Variants in MCTS1 observed in about 807,000 individuals in gnomAD.
MCTS1 encodes malignant T-cell-amplified sequence 1.
For synonymous variants in MCTS1, 26 were observed against 40.8 expected (o/e 0.64, Z 1.38); for missense variants, 55 against 128.6 (o/e 0.43, Z 2.77).
chrX:120,616,753 A>G lies in MCTS1; in HGVS notation c.*4489A>G, dbSNP rs1000502669. 2.7e-5 allele frequency among the ~76,000 whole-genome samples: 3 copies of G among 112,429 alleles called. No individual in the cohort carries two copies. The highest frequency in any genetic ancestry group is 9.7e-5 in the African/African-American group (3 of 31,008). ...TTGCCTCTTAGAATGAAAATTAAAG[A>G]ACTCCAAATTTTAGCCTTGAATACT... On this transcript the variant is annotated 3_prime_UTR_variant, in exon 6 of 6. Transcript: ENST00000371317.
At position 120,611,686 on chromosome X, in the gene MCTS1, T is replaced by C. The variant is rs1167683590; in HGVS notation, c.465-497T>C. 2.7e-5 allele frequency among the ~76,000 whole-genome samples: 3 copies of C among 112,150 alleles called. No individual in the cohort carries two copies. In the South Asian group the frequency reaches 1.1e-3, roughly 41 times the overall value. ...CCACCCACCTCGGCCTCCCAAAGTG[T>C]TGGGATTACAGGTGTGAGCCACTGC... On this transcript the variant is annotated intron_variant, in intron 5 of 5. Transcript: ENST00000371317.
chrX:120,610,138 A>G (rs1310094495), intron 4 of MCTS1, among the ~76,000 whole-genome samples: 2 of 111,147 alleles, frequency 1.8e-5, no homozygotes, highest in Non-Finnish European at 3.8e-5. Flanking sequence ...CCTGGCCAAC[A>G]TGACGAAACC....
intron 3 of MCTS1, among the ~76,000 whole-genome samples, chrX:120,606,528 A>G (rs893024961): frequency 8.9e-6 from 1 of 112,707 alleles, no homozygotes; most frequent in Non-Finnish European, 1.9e-5. Flanking sequence ...TCACGCCTGT[A>G]ATCCCAGCAC....
Position 120,619,268 on chromosome X carries a change from A to G in MCTS1, c.*7004A>G, listed in dbSNP as rs1442660810. Among the ~76,000 whole-genome samples the G allele has an allele frequency of 3.6e-5, 4 of 111,399 alleles. No homozygotes were observed. The highest frequency in any genetic ancestry group is 1.3e-4 in the African/African-American group (4 of 30,692). ...ATTCACATCAATATTTTAACATTTT[A>G]CCATCAAGATATTTAATACAAAGGA... On this transcript the variant is annotated 3_prime_UTR_variant, in exon 6 of 6. Coordinates refer to ENST00000371317, the MANE Select transcript of MCTS1 (RefSeq NM_014060.3).
At chrX:120,607,163 T>C (rs1265018439) in intron 3 of MCTS1, among the ~76,000 whole-genome samples, 1 of 111,071 alleles carries the variant, frequency 9.0e-6, no homozygotes, top group East Asian at 2.8e-4. Flanking sequence ...AGCTGTACAT[T>C]GTCTGCTGTT....
chrX:120,620,486 T>C lies in MCTS1; in HGVS notation c.*8222T>C, dbSNP rs758089551. On this transcript the variant is annotated 3_prime_UTR_variant, in exon 6 of 6. Transcript: ENST00000371317. ...CAAAAAAAAAAAAAAAAAAAAAAATTAGCCGGGCGTGGTGGCGCGTGCCTG... is the reference window on the plus strand; with the variant it reads ...CAAAAAAAAAAAAAAAAAAAAAAATCAGCCGGGCGTGGTGGCGCGTGCCTG... 11 of 91,882 alleles carry C rather than the reference T, an allele frequency of 1.2e-4. No individual in the cohort carries two copies. Among genetic ancestry groups the C allele is most frequent in the Non-Finnish European group, 1.9e-4 (9 of 47,091 alleles). 7.6% of individuals were successfully genotyped at this position (91,882 alleles called of 1,213,427 possible).
rs763617625 is a variant in MCTS1, at chrX:120,614,437, A to G, written c.*2173A>G. The stretch of plus-strand genomic sequence containing the variant: ...CAAAATCTCATCTCTTTCCTAGCCC[A>G]TAGAGGTGCCCTGATATTTTATTTC... On this transcript the variant is annotated 3_prime_UTR_variant, in exon 6 of 6. Transcript: ENST00000371317. Among the ~76,000 whole-genome samples, 12 of 112,111 alleles carry G rather than the reference A, an allele frequency of 1.1e-4. No individual in the cohort carries two copies. The highest frequency in any genetic ancestry group is 3.9e-4 in the African/African-American group (12 of 30,921).
At chrX:120,610,017 C>G (rs1926641174) in intron 4 of MCTS1, among the ~76,000 whole-genome samples, 2 of 111,979 alleles carry the variant, frequency 1.8e-5, no homozygotes, top group African/African-American at 3.2e-5. Flanking sequence ...TTTAAAACAG[C>G]CTTTACATAA....
Position 120,612,258 on chromosome X carries a change from T to C in MCTS1, c.540T>C (p.Tyr180=), listed in dbSNP as rs141129087. 15 of 1,188,797 alleles carry C rather than the reference T, an allele frequency of 1.3e-5. No individual in the cohort carries two copies. The African/African-American group carries it at 2.1e-4, about 17-fold the overall frequency. Residue 180 remains tyrosine (Y), a synonymous_variant, in exon 6 of 6, where the codon TAT becomes TAC. Coordinates refer to ENST00000371317, the MANE Select transcript of MCTS1 (RefSeq NM_014060.3). ...LNDGLWHMKT[Y]K The stretch of plus-strand genomic sequence containing the variant: ...ATGGGCTGTGGCATATGAAGACATA[T>C]AAATGAGCCTCAGAAGGAATGCACT...
chrX:120,604,387 G>C, intron 1 of MCTS1, 140 bp downstream of exon 1: 2 of 788,087 alleles, frequency 2.5e-6, no homozygotes, highest in Non-Finnish European at 3.6e-6. Context: ...ATAGTACTAT[G>C]CTCTCACTCC....
chrX:120,615,854 C>T lies in MCTS1; in HGVS notation c.*3590C>T, dbSNP rs1223064329. 4.5e-5 allele frequency among the ~76,000 whole-genome samples: 5 copies of T among 111,588 alleles called. No individual in the cohort carries two copies. Among genetic ancestry groups the T allele is most frequent in the Non-Finnish European group, 7.5e-5 (4 of 53,146 alleles). On this transcript the variant is annotated 3_prime_UTR_variant, in exon 6 of 6. Transcript: ENST00000371317. ...CCAAACAAAAACAGCTGGATTTATC[C>T]CATGGGTAGTCATGAACATTTCCAA...
intron 4 of MCTS1, chrX:120,610,789 A>G: frequency 3.0e-6 from 1 of 338,341 alleles, no homozygotes; most frequent in East Asian, 4.2e-5. Context: ...CTTGAAAGAA[A>G]AGGGGTTATT....
At position 120,616,715 on chromosome X, in the gene MCTS1, G is replaced by A. The variant is rs1303993538; in HGVS notation, c.*4451G>A. ...TAAATAAAAACATCTGAACTCATTA[G>A]TATAATTAATACTTGCCTCTTAGAA... On this transcript the variant is annotated 3_prime_UTR_variant, in exon 6 of 6. Transcript: ENST00000371317. Among the ~76,000 whole-genome samples, 1 of 112,153 alleles carries A rather than the reference G, an allele frequency of 8.9e-6. No homozygotes were observed. The highest frequency in any genetic ancestry group is 9.5e-5 in the Admixed American group (1 of 10,525).
At chrX:120,611,642 A>G (rs915972043) in intron 5 of MCTS1, among the ~76,000 whole-genome samples, 1 of 109,902 alleles carries the variant, frequency 9.1e-6, no homozygotes, top group Non-Finnish European at 1.9e-5. Flanking sequence ...CCAGTCTCGA[A>G]CTCCTGACCT....
At chrX:120,609,920 T>C (rs745440183) in intron 4 of MCTS1, among the ~76,000 whole-genome samples, 1 of 112,398 alleles carries the variant, frequency 8.9e-6, no homozygotes, top group South Asian at 3.7e-4. Context: ...AAACTTCATA[T>C]GTTAACCAAG....
At chrX:120,611,804 A>C (rs1926693610) in intron 5 of MCTS1, among the ~76,000 whole-genome samples, 1 of 112,550 alleles carries the variant, frequency 8.9e-6, no homozygotes, top group Non-Finnish European at 1.9e-5. Flanking sequence ...GAAATGTAGA[A>C]TATTTAGAGA....
In MCTS1 at chrX:120,612,681, GTGTGTA is replaced by G. The variant is rs1175886763; in HGVS notation, c.*423_*428del. Reference sequence around the variant, plus strand: ...TTCTCGTGTGTGTGTGTGTGTGTGTGTGTGTATGTGTGTGTGTGTGTGTGTGTGTGT... The same window carrying G: ...TTCTCGTGTGTGTGTGTGTGTGTGTGTGTGTGTGTGTGTGTGTGTGTGTGT... On this transcript the variant is annotated 3_prime_UTR_variant, in exon 6 of 6. Coordinates refer to ENST00000371317, the MANE Select transcript of MCTS1 (RefSeq NM_014060.3). Among the ~76,000 whole-genome samples the G allele has an allele frequency of 7.7e-5, 5 of 64,834 alleles. No individual in the cohort carries two copies. The highest frequency in any genetic ancestry group is 1.4e-4 in the Non-Finnish European group (5 of 36,576). 56.3% of individuals were successfully genotyped at this position (64,834 alleles called of 115,157 possible). A position where few individuals can be genotyped will look rare whatever the true frequency, so the allele number is the denominator to read the frequency against.
chrX:120,609,544 G>A (rs931258323), intron 4 of MCTS1, among the ~76,000 whole-genome samples: 4 of 111,580 alleles, frequency 3.6e-5, no homozygotes, highest in African/African-American at 9.8e-5. Context: ...CAGTTATAGC[G>A]AAGAGGTAGT....
Position 120,605,390 on chromosome X carries a change from C to T in MCTS1, c.12-17C>T. On this transcript the variant is annotated splice_polypyrimidine_tract_variant and intron_variant, in intron 1 of 5. Coordinates refer to ENST00000371317, the MANE Select transcript of MCTS1 (RefSeq NM_014060.3). ...CTTAGAAATGCCTTTTCTTTTCTTG[C>T]AAAAATTACTTGGCAGATTTGATGA... The T allele has an allele frequency of 8.7e-7, 1 of 1,152,446 alleles. No homozygotes were observed. Among genetic ancestry groups the T allele is most frequent in the Non-Finnish European group, 1.1e-6 (1 of 871,871 alleles). 95.0% of individuals were successfully genotyped at this position (1,152,446 alleles called of 1,213,427 possible).
Sources: allele counts gnomAD v4.1 joint callset (sites outside exome capture counted in the v4.1 genomes callset), GRCh38; gene constraint gnomAD v4.1.1; transcripts MANE v1.5; gene names NCBI Gene and HGNC (gene_info 2026-07-23, HGNC 2026-07-21).